UBXN2A: variants seen among roughly 807,000 people sequenced by gnomAD.
UBXN2A encodes the protein UBX domain-containing protein 2A.
In UBXN2A, 28 loss-of-function variants were observed where a neutral mutation model predicts 28.4. That is an observed-to-expected ratio of 0.99 (90% confidence interval 0.73 to 1.35). UBXN2A has a LOEUF of 1.35. Among genes scored for constraint, UBXN2A ranks in the 40% most tolerant of loss-of-function variants. The pLI is 0.00. For missense variants in UBXN2A, 253 were observed against 297.9 expected, an observed-to-expected ratio of 0.85 and a Z score of 1.11; for synonymous variants, 97 against 103.6, an observed-to-expected ratio of 0.94 and a Z score of 0.39.
intron 1 of UBXN2A, among the ~76,000 whole-genome samples, chr2:23,957,663 C>T (rs1401555184): frequency 1.3e-5 from 2 of 151,836 alleles, no homozygotes; most frequent in Non-Finnish European, 1.5e-5. Flanking sequence ...GGAGAAACCT[C>T]GACTCTACTA....
At chr2:23,978,826 G>A (rs550182934) in intron 4 of UBXN2A, among the ~76,000 whole-genome samples, 5 of 151,624 alleles carry the variant, frequency 3.3e-5, no homozygotes, top group Admixed American at 6.6e-5. Context: ...GCCACGCATC[G>A]TGGCACGTGC....
At chr2:23,954,112 A>G (rs1349511646) in intron 1 of UBXN2A, among the ~76,000 whole-genome samples, 2 of 152,156 alleles carry the variant, frequency 1.3e-5, no homozygotes, top group Non-Finnish European at 2.9e-5. Context: ...TCCCGGGTAC[A>G]AGTGATTCTC....
At position 23,968,737 on chromosome 2, in the gene UBXN2A, A is replaced by G. The variant is rs139810742; in HGVS notation, c.42-2539A>G. ...GGCACAGTATAAGAGGTATAAAAGTATGATTTATAATACTTTATAAAAGTA... is the reference window on the plus strand; with the variant it reads ...GGCACAGTATAAGAGGTATAAAAGTGTGATTTATAATACTTTATAAAAGTA... On this transcript the variant is annotated intron_variant, in intron 2 of 6. Coordinates refer to ENST00000309033, the MANE Select transcript of UBXN2A (RefSeq NM_181713.4). Among the ~76,000 whole-genome samples the G allele has an allele frequency of 2.4e-4, 37 of 151,426 alleles. No individual in the cohort carries two copies. In the East Asian group the frequency reaches 7.2e-3, roughly 29 times the overall value.
chr2:23,992,036 A>G (rs1187088610), intron 6 of UBXN2A, among the ~76,000 whole-genome samples: 2 of 152,052 alleles, frequency 1.3e-5, no homozygotes, highest in African/African-American at 4.8e-5. Context: ...CAGTGGCGCA[A>G]TCTCAGCTCA....
chr2:23,949,968 T>C (rs1706281309), intron 1 of UBXN2A, among the ~76,000 whole-genome samples: 1 of 152,106 alleles, frequency 6.6e-6, no homozygotes, highest in African/African-American at 2.4e-5. Flanking sequence ...GAGCTTTTAA[T>C]GTATCCATCA....
rs1421866380 is a variant in UBXN2A at position 23,992,054 on chromosome 2, C to T, written c.584+7223C>T. ...TGGCGCAATCTCAGCTCACTGCAAC[C>T]TCCGCCTCCCTGGTTCATGCGATTC... is the stretch of plus-strand genomic sequence containing the variant. On this transcript the variant is annotated intron_variant, in intron 6 of 6. Coordinates refer to ENST00000309033, the MANE Select transcript of UBXN2A (RefSeq NM_181713.4). 2.0e-5 allele frequency among the ~76,000 whole-genome samples: 3 copies of T among 152,194 alleles called. No homozygotes were observed. The East Asian group carries it at 5.8e-4, about 29-fold the overall frequency.
At chr2:23,986,441 T>C (rs1708134515) in intron 6 of UBXN2A, among the ~76,000 whole-genome samples, 1 of 152,148 alleles carries the variant, frequency 6.6e-6, no homozygotes, top group Non-Finnish European at 1.5e-5. Flanking sequence ...ATTTTTAATG[T>C]TTTAAATTAG....
rs560102392 is a variant in UBXN2A, at chr2:23,978,153, T to G, written c.287+1078T>G. Reference sequence around the variant, plus strand: ...AACAAATATAATTTTGAAGAAAGTTTAGGAACTTGAATTCTGATCAACCCA... The same window carrying G: ...AACAAATATAATTTTGAAGAAAGTTGAGGAACTTGAATTCTGATCAACCCA... On this transcript the variant is annotated intron_variant, in intron 4 of 6. Transcript: ENST00000309033. Among the ~76,000 whole-genome samples, 5 of 152,298 alleles carry G rather than the reference T, an allele frequency of 3.3e-5. No individual in the cohort carries two copies. In the East Asian group the frequency reaches 7.7e-4, roughly 23 times the overall value.
At chr2:23,936,920 AG>A (rs1229984788), upstream of UBXN2A, among the ~76,000 whole-genome samples, 3 of 152,088 alleles carry the variant, frequency 2.0e-5, no homozygotes, top group Admixed American at 6.6e-5. Context: ...CATGTTGCCC[AG>A]GCTCGTCTCG....
intron 3 of UBXN2A, 26 bp from the exon 4 acceptor site, chr2:23,976,943 G>A (rs767142640): frequency 1.2e-5 from 18 of 1,548,306 alleles, no homozygotes; most frequent in South Asian, 5.6e-5. Context: ...TTAACATGAC[G>A]CATTTTGTTT....
Position 23,991,778 on chromosome 2 carries a change from G to A in UBXN2A, c.584+6947G>A, listed in dbSNP as rs1708363277. Among the ~76,000 whole-genome samples the A allele has an allele frequency of 4.1e-5, 6 of 146,586 alleles. No individual in the cohort carries two copies. In the South Asian group the frequency reaches 1.3e-3, roughly 32 times the overall value. ...TGAGCCACAGTGCCCGGCCTTTTTTGTTTTTTGTTTGTTTGTTTTGTTTTG... is the reference window on the plus strand; with the variant it reads ...TGAGCCACAGTGCCCGGCCTTTTTTATTTTTTGTTTGTTTGTTTTGTTTTG... On this transcript the variant is annotated intron_variant, in intron 6 of 6. Transcript: ENST00000309033.
intron 1 of UBXN2A, among the ~76,000 whole-genome samples, chr2:23,948,209 T>G (rs374298654): frequency 6.6e-6 from 1 of 151,604 alleles, no homozygotes; most frequent in Non-Finnish European, 1.5e-5. Context: ...CATGTCAAAA[T>G]TAGGACTTTT....
chr2:23,998,696 A>G (rs1708634235), intron 6 of UBXN2A, among the ~76,000 whole-genome samples: 1 of 152,126 alleles, frequency 6.6e-6, no homozygotes, highest in Admixed American at 6.6e-5. Context: ...ATTCCAGCCC[A>G]GGCAACAGAG....
chr2:23,999,722 G>T lies in UBXN2A; in HGVS notation c.635G>T (p.Ser212Ile). The change falls in exon 7 of 7, where the codon AGT becomes ATT. Residue 212 changes from serine to isoleucine, a missense_variant. Ser to Ile is a moderately radical substitution (Grantham distance 142). Coordinates refer to ENST00000309033, the MANE Select transcript of UBXN2A (RefSeq NM_181713.4). ...GAAAAATACCAAGGATCTCAAAGAA[G>T]TCCTCCGTTTTCCCTGGCAACAGCT... ...FIEKYQGSQR[S>I]PPFSLATALP... 1 of 1,614,094 alleles carries T rather than the reference G, an allele frequency of 6.2e-7. No individual in the cohort carries two copies. Among genetic ancestry groups the T allele is most frequent in the Non-Finnish European group, 8.5e-7 (1 of 1,180,014 alleles).
chr2:23,939,994 C>T (rs551965576), upstream of UBXN2A, among the ~76,000 whole-genome samples: 1 of 151,994 alleles, frequency 6.6e-6, no homozygotes. Context: ...CCTGTAATCC[C>T]AGCTACTCCG....
chr2:23,968,428 G>A (rs1451732938), intron 2 of UBXN2A, among the ~76,000 whole-genome samples: 5 of 152,102 alleles, frequency 3.3e-5, no homozygotes, highest in Admixed American at 3.3e-4. Flanking sequence ...TGTAATCCCA[G>A]CACTTCGGGA....
intron 1 of UBXN2A, among the ~76,000 whole-genome samples, chr2:23,931,322 A>C (rs11674248): frequency 0.53 from 80,453 of 151,852 alleles, 22,373 homozygotes; most frequent in East Asian, 0.78. Context: ...GGTACTTATA[A>C]TGTAATCGCA....
chr2:23,958,375 A>G lies in UBXN2A; in HGVS notation c.41+20A>G. 1 of 1,594,344 alleles carries G rather than the reference A, an allele frequency of 6.3e-7. No individual in the cohort carries two copies. The highest frequency in any genetic ancestry group is 8.5e-7 in the Non-Finnish European group (1 of 1,172,356). ...AGAATGGTAAGTTAATTCAAACTGA[A>G]TTGCTTTGTTAATGCCTTTGTTAAT... On this transcript the variant is annotated intron_variant, in intron 2 of 6. Transcript: ENST00000309033.
intron 3 of UBXN2A, among the ~76,000 whole-genome samples, chr2:23,975,332 A>G (rs1271557807): frequency 6.6e-6 from 1 of 152,196 alleles, no homozygotes; most frequent in Non-Finnish European, 1.5e-5. Context: ...AGAAGTGTCA[A>G]AGAAGATTAT....
Sources: gnomAD v4.1 joint callset for allele counts (sites outside exome capture counted in the v4.1 genomes callset) on GRCh38, gnomAD v4.1.1 for gene constraint, MANE v1.5 for transcripts, NCBI Gene and HGNC (gene_info 2026-07-23, HGNC 2026-07-21) for gene names.